Variants in DACH2 observed in about 807,000 individuals in gnomAD.
DACH2 encodes the protein dachshund homolog 2.
A neutral mutation model predicts 35.8 loss-of-function variants in DACH2; 17 were observed. The ratio of observed to expected loss-of-function variants is 0.48; its 90% CI spans 0.33 to 0.71. The LOEUF (loss-of-function observed/expected upper bound fraction) is 0.71, where lower values mean the gene tolerates loss of function less well. DACH2 is among the 30% of genes least tolerant of loss of function. The pLI, the probability that DACH2 is intolerant of heterozygous loss-of-function variation, is 0.02. For missense variants in DACH2, 469 were observed against 472.7 expected (o/e 0.99, Z 0.07); for synonymous variants, 195 against 177.3 (o/e 1.10, Z -0.79).
chrX:86,736,798 T>G (rs1303712598), intron 6 of DACH2, among the ~76,000 whole-genome samples: 1 of 111,679 alleles, frequency 9.0e-6, no homozygotes, highest in Non-Finnish European at 1.9e-5. Context: ...TTTGTAAGTT[T>G]TATTTTTTCA....
intron 1 of DACH2, among the ~76,000 whole-genome samples, chrX:86,364,115 C>A (rs1371170725): frequency 2.7e-5 from 3 of 111,768 alleles, no homozygotes; most frequent in African/African-American, 6.5e-5. Flanking sequence ...TAAGACCTGT[C>A]TGCCTATTTT....
At chrX:86,414,282 G>A (rs757140638) in intron 2 of DACH2, among the ~76,000 whole-genome samples, 9 of 111,035 alleles carry the variant, frequency 8.1e-5, no homozygotes, top group Non-Finnish European at 1.5e-4. Context: ...GCTTCCTATC[G>A]ATTTCACTTC....
intron 2 of DACH2, among the ~76,000 whole-genome samples, chrX:86,403,143 G>T (rs1192081689): frequency 8.9e-6 from 1 of 112,219 alleles, no homozygotes; most frequent in African/African-American, 3.2e-5. Context: ...CTTTGACTAA[G>T]TCCTCAAAAG....
intron 6 of DACH2, among the ~76,000 whole-genome samples, chrX:86,724,795 C>T (rs1746708228): frequency 1.8e-5 from 2 of 110,956 alleles, no homozygotes; most frequent in South Asian, 3.8e-4. Context: ...ACTTTTGGTT[C>T]TTTCTTCCCC....
In DACH2 at chrX:86,398,929, C is replaced by T. The variant is rs1233265892; in HGVS notation, c.527+22067C>T. Among the ~76,000 whole-genome samples, 5 of 111,512 alleles carry T rather than the reference C, an allele frequency of 4.5e-5. No homozygotes were observed. In the Admixed American group the frequency reaches 4.8e-4, roughly 11 times the overall value. ...CTTGGTGCAGAGCTGAGTTCAATTC[C>T]TGGATATCCTTGTTAACTTTCTGTC... On this transcript the variant is annotated intron_variant, in intron 2 of 11. Coordinates refer to ENST00000373125, the MANE Select transcript of DACH2 (RefSeq NM_053281.3).
intron 1 of DACH2, among the ~76,000 whole-genome samples, chrX:86,359,366 CT>C (rs936720624): frequency 9.0e-6 from 1 of 111,343 alleles, no homozygotes; most frequent in Non-Finnish European, 1.9e-5. Context: ...CTTCCATAAT[CT>C]GTGACATTTT....
chrX:86,718,027 T>C (rs924155398), intron 6 of DACH2, among the ~76,000 whole-genome samples: 3 of 109,878 alleles, frequency 2.7e-5, no homozygotes, highest in Non-Finnish European at 3.8e-5. Context: ...AGATACTCAA[T>C]AGTGGGATTG....
chrX:86,289,149 A>G (rs185643362), intron 1 of DACH2, among the ~76,000 whole-genome samples: 9 of 109,013 alleles, frequency 8.3e-5, no homozygotes, highest in Non-Finnish European at 1.5e-4. Flanking sequence ...AGTTTCCCTT[A>G]TGGCCCAGGA....
At chrX:86,462,791 G>A (rs1226986766) in intron 2 of DACH2, among the ~76,000 whole-genome samples, 1 of 110,911 alleles carries the variant, frequency 9.0e-6, no homozygotes, top group African/African-American at 3.3e-5. Flanking sequence ...TACCTTTGAG[G>A]AAGTCATGGC....
intron 6 of DACH2, among the ~76,000 whole-genome samples, chrX:86,734,638 T>C (rs1053631294): frequency 1.8e-5 from 2 of 111,551 alleles, no homozygotes; most frequent in Non-Finnish European, 3.8e-5. Context: ...AAATTGGTGA[T>C]TGTAGAACAC....
rs147217593 is a variant in DACH2, at chrX:86,596,373, C to T, written c.641-54663C>T. On this transcript the variant is annotated intron_variant, in intron 3 of 11. Coordinates refer to ENST00000373125, the MANE Select transcript of DACH2 (RefSeq NM_053281.3). ...ATGTATATGAATTTTAATTTCTCCA[C>T]GTCTTTTCAAACGCGTATTTTCTGA... Among the ~76,000 whole-genome samples the T allele has an allele frequency of 7.9e-4, 88 of 110,978 alleles. 1 individual carries two copies. In the East Asian group the frequency reaches 0.013, roughly 17 times the overall value.
chrX:86,546,419 T>TCC (rs1484477504), intron 3 of DACH2, among the ~76,000 whole-genome samples: 1 of 68,943 alleles, frequency 1.5e-5, no homozygotes, highest in African/African-American at 6.2e-5. Flanking sequence ...TTCTTCTTCT[T>TCC]TCTTCTTCTT....
At chrX:86,828,737 T>C (rs904284508) in intron 11 of DACH2, 6 of 111,335 alleles carry the variant, frequency 5.4e-5, no homozygotes, top group African/African-American at 1.6e-4. Context: ...TATTTTTAAC[T>C]GTTTACTTAG....
At chrX:86,450,266 C>G (rs758071209) in intron 2 of DACH2, among the ~76,000 whole-genome samples, 16 of 110,848 alleles carry the variant, frequency 1.4e-4, no homozygotes, top group African/African-American at 4.3e-4. Flanking sequence ...GTTGTTCCCA[C>G]CATATGTCCA....
intron 2 of DACH2, among the ~76,000 whole-genome samples, chrX:86,421,260 A>G (rs901390874): frequency 2.7e-5 from 3 of 112,025 alleles, no homozygotes; most frequent in Admixed American, 9.5e-5. Flanking sequence ...GCTCACATCA[A>G]TAGTTAACAA....
At chrX:86,359,155 ATTTCTTAC>A (rs1453360964) in intron 1 of DACH2, among the ~76,000 whole-genome samples, 2 of 106,455 alleles carry the variant, frequency 1.9e-5, no homozygotes, top group Non-Finnish European at 1.9e-5. Context: ...AGTGCCTTTA[ATTTCTTAC>A]AGGTAATTTT....
At chrX:86,608,759 G>A (rs1025674421) in intron 3 of DACH2, among the ~76,000 whole-genome samples, 1 of 111,068 alleles carries the variant, frequency 9.0e-6, no homozygotes, top group African/African-American at 3.3e-5. Context: ...GTTTGTTTTG[G>A]TTTTATCCTT....
At chrX:86,345,467 TGGAG>T (rs1013909220) in intron 1 of DACH2, 1 of 281,969 alleles carries the variant, frequency 3.5e-6, no homozygotes, top group Non-Finnish European at 6.8e-6. Flanking sequence ...AAAGAAAAGA[TGGAG>T]GGAGAGAGGG....
intron 3 of DACH2, among the ~76,000 whole-genome samples, chrX:86,517,458 C>T (rs1202282990): frequency 9.5e-6 from 1 of 105,635 alleles, no homozygotes; most frequent in Non-Finnish European, 2.0e-5. Flanking sequence ...GTTCTGTCGC[C>T]CAGGCTGGAG....
Sources: allele counts gnomAD v4.1 joint callset (sites outside exome capture counted in the v4.1 genomes callset), GRCh38; gene constraint gnomAD v4.1.1; transcripts MANE v1.5; gene names NCBI Gene and HGNC (gene_info 2026-07-23, HGNC 2026-07-21).